SRBD1: variants seen among roughly 807,000 people sequenced by gnomAD.
SRBD1 encodes the protein S1 RNA-binding domain-containing protein 1.
In SRBD1, 88 loss-of-function variants were observed where a neutral mutation model predicts 115.3. The ratio of observed to expected loss-of-function variants is 0.76; its 90% CI spans 0.64 to 0.91. The LOEUF is 0.91. Among genes scored for constraint, SRBD1 ranks in the 40% least tolerant of loss-of-function variants. SRBD1 has a pLI of 0.00. For missense variants in SRBD1, 1,385 were observed against 1,177.4 expected, an observed-to-expected ratio of 1.18 and a Z score of -2.58; for synonymous variants, 509 against 407.7, an observed-to-expected ratio of 1.25 and a Z score of -2.99.
chr2:45,581,674 G>A lies in SRBD1; in HGVS notation c.933+19C>T. On this transcript the variant is annotated intron_variant, in intron 6 of 20. Transcript: ENST00000263736. ...AATATATTCAGGTATTACATTAAAA[G>A]ATAAAAAGGATTCCTTACCACGTGT... The A allele has an allele frequency of 6.3e-7, 1 of 1,587,630 alleles. No individual in the cohort carries two copies. Among genetic ancestry groups the A allele is most frequent in the Non-Finnish European group, 8.6e-7 (1 of 1,161,970 alleles).
intron 12 of SRBD1, among the ~76,000 whole-genome samples, chr2:45,548,779 G>C (rs1260379301): frequency 6.9e-6 from 1 of 145,738 alleles, no homozygotes; most frequent in African/African-American, 2.5e-5. Context: ...AGCATAAAAA[G>C]ACAACTAGGA....
intron 14 of SRBD1, among the ~76,000 whole-genome samples, chr2:45,507,034 C>A (rs1572713633): frequency 6.6e-6 from 1 of 152,012 alleles, no homozygotes; most frequent in African/African-American, 2.4e-5. Context: ...TGGATAAAAA[C>A]CAATTTGTGC....
intron 14 of SRBD1, among the ~76,000 whole-genome samples, chr2:45,539,455 C>A (rs1214125530): frequency 2.6e-5 from 4 of 152,132 alleles, no homozygotes; most frequent in African/African-American, 9.7e-5. Flanking sequence ...AAAGCTAGGA[C>A]TCCAGAGTTA....
chr2:45,449,212 C>T (rs1668917169), intron 16 of SRBD1, among the ~76,000 whole-genome samples: 1 of 152,012 alleles, frequency 6.6e-6, no homozygotes, highest in South Asian at 2.1e-4. Flanking sequence ...AGACATAATG[C>T]TCAAAAGAGA....
Position 45,477,091 on chromosome 2 carries a change from C to G in SRBD1, c.1967-16G>C. ...GCTATGGAAACTGAAAAAACAGAAT[C>G]AGAAAACAAGTATGACTTAATGTGA... On this transcript the variant is annotated splice_polypyrimidine_tract_variant and intron_variant, in intron 15 of 20. Coordinates refer to ENST00000263736, the MANE Select transcript of SRBD1 (RefSeq NM_018079.5). The G allele has an allele frequency of 6.2e-7, 1 of 1,608,198 alleles. No individual in the cohort carries two copies. Among genetic ancestry groups the G allele is most frequent in the South Asian group, 1.1e-5 (1 of 90,850 alleles).
At chr2:45,537,559 G>C (rs1255860307) in intron 14 of SRBD1, among the ~76,000 whole-genome samples, 6 of 152,176 alleles carry the variant, frequency 3.9e-5, no homozygotes, top group African/African-American at 1.4e-4. Flanking sequence ...TCTAGCTAAA[G>C]CATCAAAGGC....
intron 14 of SRBD1, among the ~76,000 whole-genome samples, 197 bp from the exon 15 acceptor site, chr2:45,488,528 T>C (rs968041611): frequency 1.3e-5 from 2 of 152,288 alleles, no homozygotes; most frequent in African/African-American, 4.8e-5. Flanking sequence ...TTTTCACATA[T>C]GAAATACACA....
chr2:45,512,466 A>T (rs1670999313), intron 14 of SRBD1, among the ~76,000 whole-genome samples: 1 of 152,206 alleles, frequency 6.6e-6, no homozygotes, highest in Non-Finnish European at 1.5e-5. Context: ...AATTGTACTT[A>T]TCTGTTGAAG....
intron 2 of SRBD1, 149 bp from the exon 3 acceptor site, chr2:45,602,232 G>A: frequency 3.3e-6 from 3 of 915,150 alleles, no homozygotes; most frequent in Non-Finnish European, 4.8e-6. Flanking sequence ...AACAGTTATT[G>A]CTAAGAATTG....
chr2:45,573,426 A>C (rs1019045943), intron 8 of SRBD1, 84 bp from the exon 9 acceptor site: 3 of 1,473,404 alleles, frequency 2.0e-6, no homozygotes, highest in South Asian at 2.7e-5. Context: ...AGGATAGCAA[A>C]AAAAGTTAAG....
chr2:45,592,784 A>G (rs1344064840), intron 4 of SRBD1, among the ~76,000 whole-genome samples: 1 of 152,200 alleles, frequency 6.6e-6, no homozygotes, highest in Non-Finnish European at 1.5e-5. Context: ...AGTGGTTTAC[A>G]ATGTGTGGTC....
At chr2:45,411,387 C>T (rs1667598275) in intron 19 of SRBD1, among the ~76,000 whole-genome samples, 1 of 152,118 alleles carries the variant, frequency 6.6e-6, no homozygotes, top group Admixed American at 6.5e-5. Flanking sequence ...TGGAATATTA[C>T]TGAGCAATAA....
intron 1 of SRBD1, among the ~76,000 whole-genome samples, chr2:45,610,521 C>G (rs551425546): frequency 1.3e-5 from 2 of 152,310 alleles, no homozygotes; most frequent in African/African-American, 4.8e-5. Context: ...AGGACTATAG[C>G]CCAGTGCCTG....
intron 14 of SRBD1, among the ~76,000 whole-genome samples, chr2:45,540,821 A>C (rs1420139476): frequency 3.3e-5 from 5 of 152,254 alleles, no homozygotes; most frequent in African/African-American, 1.2e-4. Context: ...ATGAGATATC[A>C]CTACATATCC....
chr2:45,546,629 A>C, intron 14 of SRBD1, 103 bp downstream of exon 14: 1 of 1,148,346 alleles, frequency 8.7e-7, no homozygotes, highest in East Asian at 2.4e-5. Flanking sequence ...TCTGGAGGGC[A>C]AAGAAGATGT....
chr2:45,502,134 T>A (rs996644153), intron 14 of SRBD1, among the ~76,000 whole-genome samples: 2 of 152,124 alleles, frequency 1.3e-5, no homozygotes, highest in African/African-American at 4.8e-5. Flanking sequence ...TGTTCAGCAA[T>A]ATTGGCTGTT....
intron 14 of SRBD1, among the ~76,000 whole-genome samples, chr2:45,493,823 A>G (rs148632888): frequency 6.6e-6 from 1 of 151,468 alleles, no homozygotes; most frequent in Non-Finnish European, 1.5e-5. Context: ...AAAAAAAAAA[A>G]AAATAAAATA....
intron 14 of SRBD1, among the ~76,000 whole-genome samples, chr2:45,544,569 A>C (rs1672048818): frequency 6.6e-6 from 1 of 152,236 alleles, no homozygotes; most frequent in Non-Finnish European, 1.5e-5. Context: ...CATATCCATT[A>C]ATAAGACTGA....
intron 5 of SRBD1, among the ~76,000 whole-genome samples, chr2:45,585,301 T>C (rs1239062937): frequency 6.6e-6 from 1 of 152,162 alleles, no homozygotes; most frequent in Admixed American, 6.5e-5. Flanking sequence ...ACTTTCTGAG[T>C]TTCCTGCTGG....
Sources: gnomAD v4.1 joint callset for allele counts (sites outside exome capture counted in the v4.1 genomes callset) on GRCh38, gnomAD v4.1.1 for gene constraint, MANE v1.5 for transcripts, NCBI Gene and HGNC (gene_info 2026-07-23, HGNC 2026-07-21) for gene names.